CSMD1: variants seen among roughly 807,000 people sequenced by gnomAD.
CSMD1 encodes the protein CUB and Sushi multiple domains 1, also known as CUB and sushi domain-containing protein 1.
In CSMD1, 213 loss-of-function variants were observed where a neutral mutation model predicts 417.5. The observed-to-expected ratio is 0.51, with a 90% CI of 0.46 to 0.57. The LOEUF (loss-of-function observed/expected upper bound fraction) is 0.57, where lower values mean the gene tolerates loss of function less well. Among genes scored for constraint, CSMD1 ranks in the 20% least tolerant of loss-of-function variants. The pLI, the probability that CSMD1 is intolerant of heterozygous loss-of-function variation, is 0.00. For synonymous variants in CSMD1, 2,862 were observed against 1,736.8 expected (o/e 1.65, Z -16.11); for missense variants, 6,923 against 4,529.7 (o/e 1.53, Z -15.17).
At chr8:4,675,025 T>C (rs1159574734) in intron 1 of CSMD1, among the ~76,000 whole-genome samples, 16 of 152,210 alleles carry the variant, frequency 1.1e-4, no homozygotes, top group Admixed American at 1.0e-3. Context: ...GGAACTAAAC[T>C]GGCTGCACCT....
intron 25 of CSMD1, among the ~76,000 whole-genome samples, chr8:3,304,253 C>A (rs898320403): frequency 6.6e-6 from 1 of 152,098 alleles, no homozygotes; most frequent in African/African-American, 2.4e-5. Context: ...TGATGTATTT[C>A]TCATTTTCAA....
At chr8:4,133,989 C>T (rs1803267599) in intron 3 of CSMD1, among the ~76,000 whole-genome samples, 1 of 151,998 alleles carries the variant, frequency 6.6e-6, no homozygotes. Context: ...TTTTCTTATC[C>T]ATAAAAGAAG....
intron 1 of CSMD1, among the ~76,000 whole-genome samples, chr8:4,846,836 G>C (rs576837315): frequency 2.6e-5 from 4 of 152,136 alleles, no homozygotes; most frequent in African/African-American, 9.6e-5. Context: ...ATATATATGC[G>C]TATATTTATA....
intron 7 of CSMD1, among the ~76,000 whole-genome samples, chr8:3,636,656 CTCT>C (rs1397500201): frequency 3.3e-5 from 5 of 152,212 alleles, no homozygotes; most frequent in Non-Finnish European, 5.9e-5. Flanking sequence ...CGCAGAGATG[CTCT>C]TCTCCCTAGT....
chr8:3,978,142 G>C (rs756768428), intron 5 of CSMD1, among the ~76,000 whole-genome samples: 2 of 152,130 alleles, frequency 1.3e-5, no homozygotes, highest in East Asian at 1.9e-4. Flanking sequence ...CTGCCCTCAA[G>C]AGAAACTTCC....
chr8:4,659,274 C>CA (rs58546104), intron 1 of CSMD1, among the ~76,000 whole-genome samples: 104,880 of 151,896 alleles, frequency 0.69, 37,912 homozygotes, highest in African/African-American at 0.91. Context: ...AAGAAAAGAT[C>CA]AATTAACACC....
intron 3 of CSMD1, among the ~76,000 whole-genome samples, chr8:4,370,168 C>A (rs761568820): frequency 3.3e-5 from 5 of 151,974 alleles, no homozygotes; most frequent in Non-Finnish European, 5.9e-5. Flanking sequence ...CTTTGGCTTT[C>A]CTGAAAAGAA....
At chr8:4,542,456 T>G (rs771256307) in intron 2 of CSMD1, among the ~76,000 whole-genome samples, 1 of 152,220 alleles carries the variant, frequency 6.6e-6, no homozygotes, top group African/African-American at 2.4e-5. Context: ...CTGAGAACAA[T>G]GGGATATTTG....
chr8:4,404,151 G>A (rs1804849011), intron 3 of CSMD1, among the ~76,000 whole-genome samples: 1 of 152,100 alleles, frequency 6.6e-6, no homozygotes, highest in African/African-American at 2.4e-5. Flanking sequence ...TCAGCGTAGA[G>A]CTTTCCGGAA....
At chr8:4,368,692 G>A (rs1280824809) in intron 3 of CSMD1, among the ~76,000 whole-genome samples, 1 of 152,058 alleles carries the variant, frequency 6.6e-6, no homozygotes, top group Non-Finnish European at 1.5e-5. Context: ...GGCTTAATAT[G>A]AGATGTTGTG....
intron 3 of CSMD1, among the ~76,000 whole-genome samples, chr8:4,311,605 C>T (rs983678996): frequency 2.0e-5 from 3 of 151,804 alleles, no homozygotes; most frequent in Admixed American, 2.0e-4. Flanking sequence ...CGCCTGTAGT[C>T]CCAGCTACTT....
chr8:4,012,026 GA>G (rs112374506), intron 4 of CSMD1, among the ~76,000 whole-genome samples: 16 of 97,146 alleles, frequency 1.6e-4, no homozygotes, highest in Admixed American at 6.8e-4. Flanking sequence ...TAATGACAAG[GA>G]AAAAAAAAGT....
At chr8:3,528,018 C>G (rs1797825646) in intron 10 of CSMD1, among the ~76,000 whole-genome samples, 1 of 152,146 alleles carries the variant, frequency 6.6e-6, no homozygotes, top group Non-Finnish European at 1.5e-5. Flanking sequence ...ACAACCAAAA[C>G]TGTCTCCAGC....
chr8:3,788,143 G>C (rs915130229), intron 5 of CSMD1, among the ~76,000 whole-genome samples: 11 of 152,138 alleles, frequency 7.2e-5, no homozygotes, highest in African/African-American at 2.7e-4. Context: ...AGGACTTGGA[G>C]ATGAAATCAT....
intron 1 of CSMD1, among the ~76,000 whole-genome samples, chr8:4,949,186 T>C (rs1057322482): frequency 3.9e-5 from 6 of 152,310 alleles, no homozygotes; most frequent in East Asian, 3.9e-4. Context: ...TGTTATAATA[T>C]TGTCTTAAAT....
chr8:4,834,956 C>CAAAAA (rs1194297821), intron 1 of CSMD1, among the ~76,000 whole-genome samples: 22 of 19,784 alleles, frequency 1.1e-3, no homozygotes, highest in South Asian at 6.8e-3. Flanking sequence ...GACTCCATCT[C>CAAAAA]AAAAAAAAAA....
intron 1 of CSMD1, among the ~76,000 whole-genome samples, chr8:4,637,776 T>C (rs373319171): frequency 1.3e-5 from 2 of 149,226 alleles, no homozygotes; most frequent in Non-Finnish European, 3.0e-5. Flanking sequence ...GTTCACGCCA[T>C]TCTCCTGCCT....
intron 23 of CSMD1, among the ~76,000 whole-genome samples, chr8:3,324,015 C>G (rs1202808186): frequency 6.9e-6 from 1 of 145,964 alleles, no homozygotes; most frequent in Non-Finnish European, 1.5e-5. Flanking sequence ...CCCCAGAGAC[C>G]CAGGAGGGGG....
At chr8:4,649,163 C>T (rs532743160) in intron 1 of CSMD1, among the ~76,000 whole-genome samples, 1 of 152,144 alleles carries the variant, frequency 6.6e-6, no homozygotes, top group Non-Finnish European at 1.5e-5. Context: ...AGACTGGCAG[C>T]CATGAAGGCA....
Sources: gnomAD v4.1 joint callset for allele counts (sites outside exome capture counted in the v4.1 genomes callset) on GRCh38, gnomAD v4.1.1 for gene constraint, MANE v1.5 for transcripts, NCBI Gene and HGNC (gene_info 2026-07-23, HGNC 2026-07-21) for gene names.